Variants in TP63 observed in about 807,000 individuals in gnomAD.
TP63 encodes tumor protein 63.
A neutral mutation model predicts 82.8 loss-of-function variants in TP63; 17 were observed. The ratio of observed to expected loss-of-function variants is 0.21; its 90% CI spans 0.14 to 0.31. TP63 has a LOEUF of 0.31. TP63 is among the 10% of genes least tolerant of loss of function. The pLI, the probability that TP63 is intolerant of heterozygous loss-of-function variation, is 1.00. For synonymous variants in TP63, 330 were observed against 321.7 expected (o/e 1.03, Z -0.28); for missense variants, 648 against 895.3 (o/e 0.72, Z 3.52).
chr3:189,849,188 C>CTCTTCA (rs749249972), intron 4 of TP63, among the ~76,000 whole-genome samples: 278 of 152,366 alleles, frequency 1.8e-3, no homozygotes, highest in Non-Finnish European at 2.8e-3. Flanking sequence ...CCCTAGATGT[C>CTCTTCA]TCTTCATCTT....
At chr3:189,660,039 A>G (rs1215409817) in intron 1 of TP63, among the ~76,000 whole-genome samples, 1 of 152,040 alleles carries the variant, frequency 6.6e-6, no homozygotes, top group Admixed American at 6.6e-5. Context: ...TTTGCTTCAC[A>G]GAATCTCTTT....
chr3:189,690,450 C>A (rs1716828296), intron 1 of TP63, among the ~76,000 whole-genome samples: 1 of 152,176 alleles, frequency 6.6e-6, no homozygotes, highest in Non-Finnish European at 1.5e-5. Context: ...CAAGTAATTC[C>A]TTCTTTCTTT....
intron 1 of TP63, among the ~76,000 whole-genome samples, chr3:189,668,382 G>A (rs1714594919): frequency 6.6e-6 from 1 of 151,794 alleles, no homozygotes; most frequent in Admixed American, 6.6e-5. Context: ...TTCATTTCAA[G>A]GAATAAAATG....
the TP63 span, among the ~76,000 whole-genome samples, chr3:189,609,056 CTGAT>C: frequency 2.0e-5 from 3 of 152,128 alleles, no homozygotes; most frequent in Non-Finnish European, 4.4e-5. Context: ...TACCTCCAGA[CTGAT>C]TGTACCATTG....
chr3:189,615,159 C>T, the TP63 span, among the ~76,000 whole-genome samples: 344 of 152,296 alleles, frequency 2.3e-3, 2 homozygotes, highest in South Asian at 8.1e-3. Flanking sequence ...CCTTTCTGGC[C>T]TCGTATAACC....
At chr3:189,881,578 C>T (rs1436013500) in intron 10 of TP63, 3 of 926,924 alleles carry the variant, frequency 3.2e-6, no homozygotes, top group African/African-American at 1.8e-5. Flanking sequence ...CTTGAAGTAG[C>T]ATGTGTAGGT....
chr3:189,600,447 C>T, the TP63 span, among the ~76,000 whole-genome samples: 1 of 152,104 alleles, frequency 6.6e-6, no homozygotes, highest in African/African-American at 2.4e-5. Context: ...ATTGCAATGG[C>T]CTTAAGAGAA....
chr3:189,687,024 T>A (rs1428616406), intron 1 of TP63, among the ~76,000 whole-genome samples: 1 of 152,050 alleles, frequency 6.6e-6, no homozygotes, highest in Non-Finnish European at 1.5e-5. Flanking sequence ...CCACCGCGCC[T>A]GGCCAAGGGT....
the TP63 span, among the ~76,000 whole-genome samples, chr3:189,610,918 A>G: frequency 1.3e-5 from 2 of 152,200 alleles, no homozygotes; most frequent in Non-Finnish European, 2.9e-5. Flanking sequence ...AGGCAAAAAG[A>G]GAGCGCTTGT....
intron 3 of TP63, among the ~76,000 whole-genome samples, chr3:189,767,884 G>T (rs77227178): frequency 6.6e-6 from 1 of 152,058 alleles, no homozygotes; most frequent in Non-Finnish European, 1.5e-5. Flanking sequence ...TTAGTGATGT[G>T]ATCTGACACA....
chr3:189,654,244 T>TA (rs918058497), intron 1 of TP63, among the ~76,000 whole-genome samples: 1,493 of 136,136 alleles, frequency 0.011, 11 homozygotes, highest in Non-Finnish European at 0.015. Flanking sequence ...AAGCCTTTTG[T>TA]AAAAAAAAAA....
chr3:189,729,601 C>A (rs4591486), intron 1 of TP63, among the ~76,000 whole-genome samples: 102,198 of 152,044 alleles, frequency 0.67, 34,731 homozygotes, highest in African/African-American at 0.76. Context: ...AAGGCATACA[C>A]AATGCTCTAA....
intron 1 of TP63, among the ~76,000 whole-genome samples, chr3:189,638,238 A>G (rs1711520049): frequency 6.6e-6 from 1 of 152,152 alleles, no homozygotes; most frequent in Admixed American, 6.6e-5. Context: ...GGACACTAGA[A>G]AACTGCGTTT....
chr3:189,716,697 T>C (rs1718985878), intron 1 of TP63, among the ~76,000 whole-genome samples: 1 of 152,228 alleles, frequency 6.6e-6, no homozygotes, highest in Non-Finnish European at 1.5e-5. Flanking sequence ...TTGCATTCTT[T>C]TTCCCCTTTG....
chr3:189,606,802 C>T, the TP63 span, among the ~76,000 whole-genome samples: 67 of 152,066 alleles, frequency 4.4e-4, no homozygotes, highest in Middle Eastern at 3.4e-3. Context: ...TGCACCACCG[C>T]GACGGGCCAA....
At position 189,895,214 on chromosome 3, in the gene TP63, C is replaced by T. The variant is rs748076736; in HGVS notation, c.*712C>T. The T allele has an allele frequency of 5.0e-5, 11 of 220,780 alleles. No homozygotes were observed. The highest frequency in any genetic ancestry group is 8.1e-5 in the Non-Finnish European group (9 of 110,460). 13.7% of individuals were successfully genotyped at this position (220,780 alleles called of 1,614,324 possible). On this transcript the variant is annotated 3_prime_UTR_variant, in exon 14 of 14. Transcript: ENST00000264731. Reference sequence around the variant, plus strand: ...CATTTCTTCTAGTGATGATGGTTCACGTTGGGGTGATTTAATCCAGTTATA... The same window carrying T: ...CATTTCTTCTAGTGATGATGGTTCATGTTGGGGTGATTTAATCCAGTTATA...
At chr3:189,742,458 A>G (rs886575700) in intron 3 of TP63, among the ~76,000 whole-genome samples, 6 of 151,132 alleles carry the variant, frequency 4.0e-5, no homozygotes, top group Admixed American at 4.0e-4. Context: ...TTTAACCTGT[A>G]TTGGATTTTT....
intron 1 of TP63, among the ~76,000 whole-genome samples, chr3:189,663,458 C>T (rs1714100548): frequency 6.8e-6 from 1 of 146,916 alleles, no homozygotes; most frequent in African/African-American, 2.5e-5. Flanking sequence ...AATTTCAGTA[C>T]AATTTCAGGC....
intron 4 of TP63, among the ~76,000 whole-genome samples, chr3:189,847,436 T>C (rs1715036539): frequency 6.6e-6 from 1 of 152,212 alleles, no homozygotes; most frequent in African/African-American, 2.4e-5. Context: ...TATTTTCCCC[T>C]CTATGAATGA....
Sources: allele counts gnomAD v4.1 joint callset (sites outside exome capture counted in the v4.1 genomes callset), GRCh38; gene constraint gnomAD v4.1.1; transcripts MANE v1.5; gene names NCBI Gene and HGNC (gene_info 2026-07-23, HGNC 2026-07-21).